Variants in ADAMTSL1 observed in about 807,000 individuals in gnomAD.
ADAMTSL1 encodes the protein ADAMTS-like protein 1.
In ADAMTSL1, 126 loss-of-function variants were observed where a neutral mutation model predicts 201.8. The observed-to-expected ratio is 0.62, with a 90% CI of 0.54 to 0.72. ADAMTSL1 has a LOEUF of 0.72. Among genes scored for constraint, ADAMTSL1 ranks in the 30% least tolerant of loss-of-function variants. ADAMTSL1 has a pLI of 0.00. For missense variants in ADAMTSL1, 2,679 were observed against 2,277.8 expected (o/e 1.18, Z -3.59); for synonymous variants, 1,121 against 903.4 (o/e 1.24, Z -4.32).
rs376901935 is a variant in ADAMTSL1, at chr9:17,959,737, C to G, written c.87+52815C>G. ...TCCCAAAGTGCTGGGATTATAGGAGCAAGCCACTGCACTCAGCCTTGACAT... is the reference window on the plus strand; with the variant it reads ...TCCCAAAGTGCTGGGATTATAGGAGGAAGCCACTGCACTCAGCCTTGACAT... On this transcript the variant is annotated intron_variant, in intron 1 of 29. Coordinates refer to the ADAMTSL1 transcript ENST00000680146. 9.9e-5 allele frequency among the ~76,000 whole-genome samples: 15 copies of G among 152,266 alleles called. No individual in the cohort carries two copies. The East Asian group carries it at 1.2e-3, about 12-fold the overall frequency.
chr9:18,689,073 G>A (rs1232530291), intron 13 of ADAMTSL1, among the ~76,000 whole-genome samples: 1 of 152,014 alleles, frequency 6.6e-6, no homozygotes, highest in East Asian at 1.9e-4. Flanking sequence ...TATAGGAATA[G>A]CTTTCTAGGT....
chr9:18,011,529 G>A (rs1820050474), intron 1 of ADAMTSL1, among the ~76,000 whole-genome samples: 1 of 151,994 alleles, frequency 6.6e-6, no homozygotes, highest in Non-Finnish European at 1.5e-5. Context: ...AAAGCAGGTG[G>A]AAGTGAAGTC....
intron 22 of ADAMTSL1, among the ~76,000 whole-genome samples, chr9:18,829,290 C>T (rs1824823687): frequency 6.6e-6 from 1 of 152,170 alleles, no homozygotes; most frequent in Non-Finnish European, 1.5e-5. Context: ...CCTACTTAGG[C>T]ATAAAAATCC....
chr9:18,516,087 CA>C (rs11418722), intron 2 of ADAMTSL1, among the ~76,000 whole-genome samples: 168 of 131,072 alleles, frequency 1.3e-3, no homozygotes, highest in South Asian at 1.4e-3. Flanking sequence ...CCTCAACTAC[CA>C]AAAAAAAAAA....
intron 2 of ADAMTSL1, among the ~76,000 whole-genome samples, chr9:18,352,956 A>C (rs965213344): frequency 2.0e-5 from 3 of 152,204 alleles, no homozygotes; most frequent in Non-Finnish European, 4.4e-5. Flanking sequence ...CCCTTAATAC[A>C]GTGAGAAACA....
At chr9:18,326,486 T>G (rs74444751) in intron 2 of ADAMTSL1, among the ~76,000 whole-genome samples, 7,237 of 152,030 alleles carry the variant, frequency 0.048, 474 homozygotes, top group African/African-American at 0.15. Context: ...CTGGTTGCTA[T>G]ACATTTTTTA....
intron 2 of ADAMTSL1, among the ~76,000 whole-genome samples, chr9:18,197,844 C>T (rs1020624045): frequency 1.4e-4 from 21 of 152,136 alleles, no homozygotes; most frequent in Middle Eastern, 3.4e-3. Flanking sequence ...ATCACACTAC[C>T]TGACTTCAAA....
Position 18,889,697 on chromosome 9 carries a change from T to A in ADAMTSL1, c.4592T>A (p.Val1531Asp), listed in dbSNP as rs1829124698. Reference protein sequence around the residue: ...EVNPAHCAGKVRPAVQPIACN... With the variant: ...EVNPAHCAGKDRPAVQPIACN... ...AACCCTGCCCACTGCGCAGGGAAGG[T>A]TCGCCCTGCGGTGCAGCCCATCGCG... Residue 1531 changes from valine to aspartate, a missense_variant, in exon 25 of 29, where the codon GTT becomes GAT. Transcript: ENST00000380548. 6.3e-7 allele frequency: 1 copy of A among 1,584,774 alleles called. No homozygotes were observed. The highest frequency in any genetic ancestry group is 1.8e-5 in the Admixed American group (1 of 56,846).
At chr9:18,704,405 G>T (rs946616978) in intron 13 of ADAMTSL1, among the ~76,000 whole-genome samples, 1 of 152,168 alleles carries the variant, frequency 6.6e-6, no homozygotes, top group Non-Finnish European at 1.5e-5. Context: ...AGCTGGTAGG[G>T]TGCAGTTCTT....
intron 23 of ADAMTSL1, among the ~76,000 whole-genome samples, chr9:18,847,984 T>C (rs541857001): frequency 1.3e-5 from 2 of 152,234 alleles, no homozygotes; most frequent in African/African-American, 4.8e-5. Context: ...TGATTTAGTT[T>C]ATTGGAAACC....
At chr9:18,362,982 G>A (rs1420644399) in intron 2 of ADAMTSL1, among the ~76,000 whole-genome samples, 1 of 152,134 alleles carries the variant, frequency 6.6e-6, no homozygotes, top group African/African-American at 2.4e-5. Flanking sequence ...AAAAACACTG[G>A]CATGGATATT....
chr9:18,644,858 G>A (rs1229551053), intron 7 of ADAMTSL1, among the ~76,000 whole-genome samples: 1 of 151,892 alleles, frequency 6.6e-6, no homozygotes, highest in Non-Finnish European at 1.5e-5. Flanking sequence ...ACGTGTGCAT[G>A]TGTCTTTATA....
intron 3 of ADAMTSL1, among the ~76,000 whole-genome samples, chr9:18,559,506 A>G (rs1188838209): frequency 6.6e-6 from 1 of 152,162 alleles, no homozygotes; most frequent in African/African-American, 2.4e-5. Flanking sequence ...TTTTGGTTCC[A>G]TATGAAATTT....
chr9:18,289,441 C>G (rs1833162615), intron 2 of ADAMTSL1, among the ~76,000 whole-genome samples: 1 of 152,108 alleles, frequency 6.6e-6, no homozygotes, highest in African/African-American at 2.4e-5. Context: ...TTACCAAAAG[C>G]CAGGACCAAG....
intron 2 of ADAMTSL1, among the ~76,000 whole-genome samples, chr9:18,377,582 G>A (rs1326828091): frequency 6.6e-6 from 1 of 151,920 alleles, no homozygotes; most frequent in Admixed American, 6.6e-5. Context: ...TTTTGTTTTT[G>A]TTTCTGAGAC....
intron 13 of ADAMTSL1, among the ~76,000 whole-genome samples, chr9:18,697,902 C>G (rs994262979): frequency 1.3e-5 from 2 of 151,936 alleles, no homozygotes; most frequent in East Asian, 3.9e-4. Flanking sequence ...AACTTAAAAG[C>G]AAAAATGTCA....
intron 2 of ADAMTSL1, among the ~76,000 whole-genome samples, chr9:18,355,871 G>T (rs927791042): frequency 1.1e-4 from 17 of 152,250 alleles, no homozygotes; most frequent in African/African-American, 4.1e-4. Context: ...AATTAACCAG[G>T]CATGGTGGTA....
chr9:18,008,158 A>G (rs1362892888), intron 1 of ADAMTSL1, among the ~76,000 whole-genome samples: 1 of 151,958 alleles, frequency 6.6e-6, no homozygotes, highest in East Asian at 1.9e-4. Context: ...GAGCTTCTCA[A>G]TTTTGCTGAG....
chr9:18,852,184 A>G (rs546703726), intron 23 of ADAMTSL1, among the ~76,000 whole-genome samples: 1 of 152,336 alleles, frequency 6.6e-6, no homozygotes, highest in African/African-American at 2.4e-5. Flanking sequence ...CTCCGGAGCC[A>G]GAATGCCTGG....
Sources: allele counts gnomAD v4.1 joint callset (sites outside exome capture counted in the v4.1 genomes callset), GRCh38; gene constraint gnomAD v4.1.1; transcripts MANE v1.5; gene names NCBI Gene and HGNC (gene_info 2026-07-23, HGNC 2026-07-21).